Variants in ANO2 observed in about 807,000 individuals in gnomAD.
The protein encoded by ANO2 is anoctamin 2.
ANO2 carries 101 observed loss-of-function variants against 124.2 expected under a neutral mutation model. The observed-to-expected ratio is 0.81, with a 90% CI of 0.69 to 0.96. The LOEUF (loss-of-function observed/expected upper bound fraction) is 0.96, where lower values mean the gene tolerates loss of function less well. Among genes scored for constraint, ANO2 ranks in the 40% least tolerant of loss-of-function variants. The probability of loss-of-function intolerance (pLI) is 0.00; values close to 1 mark genes in which losing one functional copy is unlikely to be tolerated. For missense variants in ANO2, 1,293 were observed against 1,274.5 expected (o/e 1.01, Z -0.22); for synonymous variants, 486 against 482.5 (o/e 1.01, Z -0.09).
chr12:5,642,901 C>T (rs1946452614), intron 15 of ANO2, among the ~76,000 whole-genome samples: 1 of 152,324 alleles, frequency 6.6e-6, no homozygotes, highest in African/African-American at 2.4e-5. Context: ...GTTTCCTCTG[C>T]CCAGAATGTT....
chr12:5,652,818 G>A (rs1036221112), intron 14 of ANO2, among the ~76,000 whole-genome samples: 2 of 151,824 alleles, frequency 1.3e-5, no homozygotes, highest in Admixed American at 1.3e-4. Flanking sequence ...TTGATCTCCT[G>A]GTGGAGATCA....
intron 10 of ANO2, among the ~76,000 whole-genome samples, chr12:5,757,057 A>G (rs777380189): frequency 1.6e-4 from 25 of 152,226 alleles, no homozygotes; most frequent in Non-Finnish European, 3.2e-4. Context: ...AGAAAGCATG[A>G]GCCTGCATTC....
chr12:5,808,976 AGTGGCT>A (rs1953295427), intron 7 of ANO2, among the ~76,000 whole-genome samples: 1 of 152,202 alleles, frequency 6.6e-6, no homozygotes, highest in African/African-American at 2.4e-5. Flanking sequence ...GCCCAGTAGA[AGTGGCT>A]GCTCTTCCAA....
chr12:5,842,739 G>C (rs568301452), intron 4 of ANO2, among the ~76,000 whole-genome samples: 280 of 152,300 alleles, frequency 1.8e-3, no homozygotes, highest in African/African-American at 6.6e-3. Context: ...TGGGCCCTGA[G>C]TCACACTTGT....
chr12:5,755,064 T>C (rs1316202174), intron 10 of ANO2, among the ~76,000 whole-genome samples: 1 of 152,118 alleles, frequency 6.6e-6, no homozygotes, highest in African/African-American at 2.4e-5. Context: ...CTTTTAGTAT[T>C]GCTTTTGCTG....
At chr12:5,819,612 T>C (rs1211579563) in intron 7 of ANO2, among the ~76,000 whole-genome samples, 1 of 152,178 alleles carries the variant, frequency 6.6e-6, no homozygotes. Context: ...GTTAGGGAGA[T>C]TGGGATGGTG....
intron 20 of ANO2, among the ~76,000 whole-genome samples, chr12:5,592,282 T>C (rs1450954011): frequency 1.3e-5 from 2 of 152,160 alleles, no homozygotes; most frequent in African/African-American, 2.4e-5. Context: ...AATAAGACAT[T>C]GTCCCTGTCC....
Position 5,769,711 on chromosome 12 carries a change from G to A in ANO2, c.1056-18741C>T, listed in dbSNP as rs553544827. Among the ~76,000 whole-genome samples, 4 of 152,198 alleles carry A rather than the reference G, an allele frequency of 2.6e-5. No individual in the cohort carries two copies. The highest frequency in any genetic ancestry group is 2.1e-4 in the South Asian group (1 of 4,824). Reference sequence around the variant, plus strand: ...GAAGATCTCAGAGTAAAATAAAATCGCTCCATTTCTGCGTGCACCCTTCAT... The same window carrying A: ...GAAGATCTCAGAGTAAAATAAAATCACTCCATTTCTGCGTGCACCCTTCAT... On this transcript the variant is annotated intron_variant, in intron 10 of 24. Transcript: ENST00000682330. This position sits in a 1 kb window ranked among gnomAD's most constrained non-coding sequence, Gnocchi z 4.0.
chr12:5,610,612 T>A (rs969958291), intron 19 of ANO2, among the ~76,000 whole-genome samples: 1 of 143,202 alleles, frequency 7.0e-6, no homozygotes. Context: ...TATATTTATA[T>A]ATGTATATAT....
At chr12:5,722,275 G>T (rs1418291921) in intron 14 of ANO2, among the ~76,000 whole-genome samples, 1 of 152,222 alleles carries the variant, frequency 6.6e-6, no homozygotes, top group African/African-American at 2.4e-5. Flanking sequence ...GGGAGGCTGA[G>T]ACGGGTGGAT....
intron 14 of ANO2, among the ~76,000 whole-genome samples, chr12:5,711,224 A>G (rs1949805858): frequency 6.6e-6 from 1 of 151,972 alleles, no homozygotes; most frequent in Admixed American, 6.6e-5. Context: ...TATAAGTCAT[A>G]GGGGCAGATC....
intron 3 of ANO2, chr12:5,856,556 T>A (rs1410554508): frequency 6.6e-6 from 1 of 152,238 alleles, no homozygotes; most frequent in African/African-American, 2.4e-5. Flanking sequence ...AAGGTGGAAG[T>A]ATCTGGTAAC....
chr12:5,923,173 C>T (rs1380747738), intron 1 of ANO2, among the ~76,000 whole-genome samples: 2 of 32,960 alleles, frequency 6.1e-5, no homozygotes, highest in Admixed American at 4.2e-4. Context: ...TACACACACA[C>T]GCACACACAC....
At chr12:5,677,059 A>G (rs1431480447) in intron 14 of ANO2, among the ~76,000 whole-genome samples, 3 of 151,866 alleles carry the variant, frequency 2.0e-5, no homozygotes, top group Non-Finnish European at 4.4e-5. Context: ...GTCTCAAAAA[A>G]TAAAAAAATA....
chr12:5,887,361 C>A (rs1367526615), intron 3 of ANO2, among the ~76,000 whole-genome samples: 2 of 152,138 alleles, frequency 1.3e-5, no homozygotes, highest in African/African-American at 4.8e-5. Context: ...TACAGCAGCA[C>A]CCTCAGTAAA....
intron 3 of ANO2, among the ~76,000 whole-genome samples, chr12:5,896,321 A>G (rs760462800): frequency 3.9e-5 from 6 of 152,192 alleles, no homozygotes; most frequent in Non-Finnish European, 7.4e-5. Flanking sequence ...TGTAATCCCT[A>G]GATCAACAAC....
intron 4 of ANO2, among the ~76,000 whole-genome samples, chr12:5,846,838 T>G (rs1183666027): frequency 4.6e-5 from 7 of 152,242 alleles, no homozygotes; most frequent in African/African-American, 1.7e-4. Flanking sequence ...CCTGAGATCC[T>G]TAACTAATTA....
chr12:5,687,865 A>AAACAAC (rs55948227), intron 14 of ANO2, among the ~76,000 whole-genome samples: 15 of 151,444 alleles, frequency 9.9e-5, no homozygotes, highest in African/African-American at 2.7e-4. Context: ...AGGACTGCCA[A>AAACAAC]AACAACAACA....
chr12:5,893,486 TTTC>T (rs1254885108), intron 3 of ANO2, among the ~76,000 whole-genome samples: 2 of 151,712 alleles, frequency 1.3e-5, no homozygotes, highest in African/African-American at 2.4e-5. Context: ...TTTCCCTTTT[TTTC>T]TTTTTTTTTT....
Sources: gnomAD v4.1 joint callset for allele counts (sites outside exome capture counted in the v4.1 genomes callset) on GRCh38, gnomAD v4.1.1 for gene constraint, Gnocchi (gnomAD v3.1) non-coding constraint, MANE v1.5 for transcripts, NCBI Gene and HGNC (gene_info 2026-07-23, HGNC 2026-07-21) for gene names.